The following WWOX variants were observed in gnomAD, a reference collection of about 807,000 sequenced individuals.
WWOX encodes WW domain containing oxidoreductase.
A neutral mutation model predicts 46.2 loss-of-function variants in WWOX; 69 were observed. That is an observed-to-expected ratio of 1.49 (90% CI 1.23 to 1.82). WWOX has a LOEUF of 1.82. Ranked by LOEUF, WWOX falls within the 40% of genes most tolerant of loss-of-function variation. The pLI is 0.00. For missense variants in WWOX, 919 were observed against 542.6 expected (o/e 1.69, Z -6.89); for synonymous variants, 359 against 202.6 (o/e 1.77, Z -6.56).
chr16:78,430,033 G>C (rs568163989), intron 7 of WWOX, among the ~76,000 whole-genome samples: 1 of 152,216 alleles, frequency 6.6e-6, no homozygotes, highest in East Asian at 1.9e-4. Flanking sequence ...AGACATACCC[G>C]AGACCGGGTA....
intron 5 of WWOX, among the ~76,000 whole-genome samples, chr16:78,181,873 G>C (rs1189116435): frequency 1.3e-5 from 2 of 152,076 alleles, no homozygotes; most frequent in African/African-American, 4.8e-5. Flanking sequence ...ATAAACTGGA[G>C]GTATGGAAGG....
intron 5 of WWOX, among the ~76,000 whole-genome samples, chr16:78,368,696 C>G (rs1055455576): frequency 1.3e-5 from 2 of 152,150 alleles, no homozygotes. Flanking sequence ...CCCTTCCCCT[C>G]CCCCCTCTAA....
chr16:78,546,658 A>G (rs1032580065), intron 8 of WWOX, among the ~76,000 whole-genome samples: 1 of 152,220 alleles, frequency 6.6e-6, no homozygotes, highest in Non-Finnish European at 1.5e-5. Flanking sequence ...ATTCTGAGTT[A>G]GTACATTCAG....
intron 8 of WWOX, among the ~76,000 whole-genome samples, chr16:78,570,176 C>G (rs2044678262): frequency 6.6e-6 from 1 of 152,088 alleles, no homozygotes; most frequent in South Asian, 2.1e-4. Flanking sequence ...ACTTTGCAAA[C>G]AAACTCAGGG....
At chr16:78,962,095 A>T (rs548524910) in intron 8 of WWOX, among the ~76,000 whole-genome samples, 1 of 152,068 alleles carries the variant, frequency 6.6e-6, no homozygotes, top group East Asian at 1.9e-4. Context: ...TTGGAAAGGG[A>T]CAGTCTTAGG....
At chr16:79,024,464 T>A (rs900805999) in intron 8 of WWOX, among the ~76,000 whole-genome samples, 22 of 152,052 alleles carry the variant, frequency 1.4e-4, no homozygotes, top group African/African-American at 2.4e-5. Flanking sequence ...GACGGAGTTT[T>A]GCTCTGTTGC....
intron 8 of WWOX, among the ~76,000 whole-genome samples, chr16:78,756,022 G>T (rs965167969): frequency 2.0e-5 from 3 of 152,136 alleles, no homozygotes; most frequent in Non-Finnish European, 2.9e-5. Context: ...TGGAGACAAG[G>T]CCTCATGTAT....
chr16:78,440,611 A>T (rs2083422284), intron 8 of WWOX, among the ~76,000 whole-genome samples: 4 of 138,114 alleles, frequency 2.9e-5, no homozygotes, highest in African/African-American at 9.3e-5. Flanking sequence ...TAATTTCTGT[A>T]GTTTTTTTTT....
At chr16:79,111,536 CT>C (rs1254085811) in intron 8 of WWOX, among the ~76,000 whole-genome samples, 5 of 152,100 alleles carry the variant, frequency 3.3e-5, no homozygotes, top group African/African-American at 7.2e-5. Flanking sequence ...CATGGTTTCA[CT>C]TTTTTTATGT....
chr16:78,593,399 A>G (rs2738541), intron 8 of WWOX, among the ~76,000 whole-genome samples: 91,605 of 151,948 alleles, frequency 0.6, 30,747 homozygotes, highest in Non-Finnish European at 0.75. Flanking sequence ...ATTTTCCCCC[A>G]TCACCCTTGT....
At chr16:78,808,655 T>C (rs1428427710) in intron 8 of WWOX, among the ~76,000 whole-genome samples, 1 of 152,190 alleles carries the variant, frequency 6.6e-6, no homozygotes, top group Admixed American at 6.5e-5. Flanking sequence ...GCCATCATCT[T>C]TAATTTCCTG....
At position 79,168,021 on chromosome 16, in the gene WWOX, G is replaced by T. The variant is rs181360102; in HGVS notation, c.1057-43587G>T. Reference sequence around the variant, plus strand: ...TCTAGCTCCGTTCACTTAGCATGCTGTTTCCAAGGCTTGTCTAAGTTGTGG... The same window carrying T: ...TCTAGCTCCGTTCACTTAGCATGCTTTTTCCAAGGCTTGTCTAAGTTGTGG... On this transcript the variant is annotated intron_variant, in intron 8 of 8. Coordinates refer to ENST00000566780, the MANE Select transcript of WWOX (RefSeq NM_016373.4). Among the ~76,000 whole-genome samples, 75 of 152,256 alleles carry T rather than the reference G, an allele frequency of 4.9e-4. 1 individual carries two copies. Among genetic ancestry groups the T allele is most frequent in the African/African-American group, 1.8e-3 (74 of 41,548 alleles).
chr16:78,934,673 C>A (rs2045698904), intron 8 of WWOX, among the ~76,000 whole-genome samples: 1 of 152,130 alleles, frequency 6.6e-6, no homozygotes, highest in Admixed American at 6.6e-5. Flanking sequence ...TCTTCAGGAT[C>A]TTCAGTGCCA....
At chr16:78,928,231 C>G (rs553381027) in intron 8 of WWOX, among the ~76,000 whole-genome samples, 2 of 139,074 alleles carry the variant, frequency 1.4e-5, no homozygotes, top group South Asian at 4.5e-4. Flanking sequence ...GAGACGGAGT[C>G]TCGCTCTGTC....
intron 8 of WWOX, among the ~76,000 whole-genome samples, chr16:79,133,126 A>G (rs1334368169): frequency 6.6e-6 from 1 of 152,198 alleles, no homozygotes; most frequent in Non-Finnish European, 1.5e-5. Context: ...AGCCCCTGCT[A>G]ATTTAGCATG....
chr16:78,393,284 A>G (rs1185239223), intron 6 of WWOX, among the ~76,000 whole-genome samples: 3 of 152,184 alleles, frequency 2.0e-5, no homozygotes, highest in Non-Finnish European at 4.4e-5. Flanking sequence ...AGTCTACTGA[A>G]AAGTGCATAT....
In WWOX at chr16:79,054,022, C is replaced by T. The variant is rs368907678; in HGVS notation, c.1057-157586C>T. On this transcript the variant is annotated intron_variant, in intron 8 of 8. Coordinates refer to ENST00000566780, the MANE Select transcript of WWOX (RefSeq NM_016373.4). ...AAAAAAAATCAGAGCAGGACATGAA[C>T]AGTGCTTGCAAATTTTATTACCTCA... Among the ~76,000 whole-genome samples the T allele has an allele frequency of 3.9e-5, 6 of 151,914 alleles. No homozygotes were observed. The East Asian group carries it at 7.7e-4, about 20-fold the overall frequency.
chr16:78,751,986 A>C (rs1198983046), intron 8 of WWOX, among the ~76,000 whole-genome samples: 1 of 143,208 alleles, frequency 7.0e-6, no homozygotes, highest in Non-Finnish European at 1.5e-5. Flanking sequence ...ACTTCTAAAG[A>C]GAATTGGCAT....
intron 6 of WWOX, among the ~76,000 whole-genome samples, chr16:78,410,242 C>T (rs573452609): frequency 1.3e-5 from 2 of 152,260 alleles, no homozygotes; most frequent in African/African-American, 4.8e-5. Flanking sequence ...GAATCGGAGC[C>T]AATTAAATCT....
Sources: gnomAD v4.1 joint callset for allele counts (sites outside exome capture counted in the v4.1 genomes callset) on GRCh38, gnomAD v4.1.1 for gene constraint, MANE v1.5 for transcripts, NCBI Gene and HGNC (gene_info 2026-07-23, HGNC 2026-07-21) for gene names.